MADD: variants seen among roughly 807,000 people sequenced by gnomAD.
MADD encodes MAP kinase activating death domain.
In MADD, 109 loss-of-function variants were observed where a neutral mutation model predicts 176.7. That is an observed-to-expected ratio of 0.62 (90% confidence interval 0.53 to 0.72). The LOEUF (loss-of-function observed/expected upper bound fraction) is 0.72. MADD is among the 30% of genes least tolerant of loss of function. The pLI is 0.00. For synonymous variants in MADD, 771 were observed against 771.3 expected, an observed-to-expected ratio of 1.00 and a Z score of 0.01; for missense variants, 1,914 against 2,045.5, an observed-to-expected ratio of 0.94 and a Z score of 1.24.
intron 31 of MADD, chr11:47,327,748 A>C: frequency 1.0e-6 from 1 of 985,392 alleles, no homozygotes; most frequent in Non-Finnish European, 1.2e-6. Flanking sequence ...GGGTTCCCCC[A>C]AATTCTACCT....
chr11:47,281,890 A>G (rs977940226), intron 8 of MADD, 137 bp downstream of exon 8: 1 of 448,040 alleles, frequency 2.2e-6, no homozygotes, highest in Non-Finnish European at 3.4e-6. Context: ...GTTGGAGTGC[A>G]ATGGCATAAT....
rs757312105 is a variant in MADD, at chr11:47,328,646, G to A, written c.4613-12G>A. 5.6e-6 allele frequency: 9 copies of A among 1,614,204 alleles called. No individual in the cohort carries two copies. The highest frequency in any genetic ancestry group is 6.8e-6 in the Non-Finnish European group (8 of 1,180,028). On this transcript the variant is annotated splice_polypyrimidine_tract_variant and intron_variant, in intron 31 of 32. Coordinates refer to ENST00000402192, the Ensembl canonical transcript of MADD. Reference sequence around the variant, plus strand: ...GAACTTTCTGTTTTGTCTCTTGCCCGTCCGGTTTTAGTTCCTGAAATTAAA... The same window carrying A: ...GAACTTTCTGTTTTGTCTCTTGCCCATCCGGTTTTAGTTCCTGAAATTAAA...
At chr11:47,324,638 C>A (rs781471454) in intron 30 of MADD, 61 bp downstream of exon 33, 3 of 1,157,188 alleles carry the variant, frequency 2.6e-6, no homozygotes, top group Non-Finnish European at 3.8e-6. Context: ...GACCAATGTC[C>A]AAGCCCCCAG....
At chr11:47,275,874 C>CT (rs1797942926) in intron 3 of MADD, 25 bp from the exon 4 acceptor site, 3 of 1,585,212 alleles carry the variant, frequency 1.9e-6, no homozygotes, top group Non-Finnish European at 1.7e-6. Flanking sequence ...GCTAATGTGT[C>CT]TGATTCCTGC....
rs752015070 is a variant in MADD, at chr11:47,295,520, G to A, written c.3427G>A (p.Gly1143Ser). 15 of 1,613,934 alleles carry A rather than the reference G, an allele frequency of 9.3e-6. No homozygotes were observed. The South Asian group carries it at 9.9e-5, about 11-fold the overall frequency. Residue 1143 changes from glycine (G) to serine (S), a missense_variant, in exon 21 of 33, where the codon GGC becomes AGC. This residue lies in a region of MADD where 1,767 missense variants were observed against 1,836.0 expected (regional missense o/e 0.96). Coordinates refer to ENST00000402192, the Ensembl canonical transcript of MADD. ...GAGGACTGATCAAGACTCTGTCATC[G>A]GCGTGAGTCCAGCTGTTATGATCCG... is the stretch of plus-strand genomic sequence containing the variant.
intron 15 of MADD, among the ~76,000 whole-genome samples, chr11:47,287,516 T>C (rs542195724): frequency 1.3e-5 from 2 of 152,194 alleles, no homozygotes; most frequent in Non-Finnish European, 2.9e-5. Context: ...CTCAAGTGAT[T>C]CACATGCTTC....
In MADD at chr11:47,309,743, G is replaced by A. The variant is rs541612322; in HGVS notation, c.3978+131G>A. On this transcript the variant is annotated intron_variant, in intron 25 of 32. Coordinates refer to ENST00000402192, the Ensembl canonical transcript of MADD. ...CTTAGGGCTATCTTCTTGATTGAAA[G>A]TCTGAGGCCTCTCTGCCAGCTTACA... The A allele has an allele frequency of 4.6e-6, 3 of 650,150 alleles. No homozygotes were observed. The African/African-American group carries it at 5.4e-5, about 12-fold the overall frequency. 40.3% of individuals were successfully genotyped at this position (650,150 alleles called of 1,614,324 possible). A position where few individuals can be genotyped will look rare whatever the true frequency, so the allele number is the denominator to read the frequency against.
intron 10 of MADD, among the ~76,000 whole-genome samples, 156 bp downstream of exon 10, chr11:47,283,125 G>A (rs370454867): frequency 2.0e-5 from 3 of 152,112 alleles, no homozygotes; most frequent in East Asian, 3.8e-4. Context: ...ACGGAGTCTC[G>A]CTCTGTCACC....
chr11:47,284,352 C>G, intron 11 of MADD, 23 bp from the exon 12 acceptor site: 1 of 1,614,076 alleles, frequency 6.2e-7, no homozygotes, highest in African/African-American at 1.3e-5. Context: ...TGGTCTGTAC[C>G]TGCCTCCCTT....
chr11:47,280,449 G>A (rs895637241), intron 7 of MADD, among the ~76,000 whole-genome samples: 4 of 152,112 alleles, frequency 2.6e-5, no homozygotes, highest in Admixed American at 6.6e-5. Flanking sequence ...TTTAAGTTCA[G>A]AAAGTTCTCT....
intron 27 of MADD, among the ~76,000 whole-genome samples, chr11:47,320,022 T>C (rs1295311498): frequency 6.6e-6 from 1 of 150,646 alleles, no homozygotes; most frequent in African/African-American, 2.4e-5. Flanking sequence ...ATTACAAATA[T>C]TGTTAAATAA....
intron 26 of MADD, among the ~76,000 whole-genome samples, chr11:47,313,335 C>T (rs1414597823): frequency 6.6e-6 from 1 of 150,526 alleles, no homozygotes; most frequent in Non-Finnish European, 1.5e-5. Flanking sequence ...GAGACGGAGT[C>T]TCGCTCTGTG....
chr11:47,315,335 C>T lies in MADD; in HGVS notation c.4197+8C>T. 6.4e-7 allele frequency: 1 copy of T among 1,558,330 alleles called. No homozygotes were observed. Among genetic ancestry groups the T allele is most frequent in the Admixed American group, 1.7e-5 (1 of 59,850 alleles). On this transcript the variant is annotated splice_region_variant and intron_variant, in intron 27 of 32. Transcript: ENST00000402192. The stretch of plus-strand genomic sequence containing the variant: ...GATATCTTTTTCATGGAGGTAGGTG[C>T]TGGTTCATGCTGGGGGCCCAAAGGG...
At chr11:47,296,080 A>G (rs1392613604) in intron 22 of MADD, 25 bp downstream of exon 24, 1 of 1,383,296 alleles carries the variant, frequency 7.2e-7, no homozygotes, top group Admixed American at 2.4e-5. Context: ...TTAACAAAAG[A>G]AAACCATTTC....
chr11:47,276,100 A>G (rs2049569042), exon 4 of MADD: 1 of 1,614,146 alleles, frequency 6.2e-7, no homozygotes. Context: ...TTCCAGACCC[A>G]TCTCGATTCA....
exon 17 of MADD, chr11:47,290,040 T>G: frequency 1.2e-6 from 2 of 1,614,122 alleles, no homozygotes; most frequent in Non-Finnish European, 1.7e-6. Flanking sequence ...CGGCAGGACA[T>G]CATCCCGGAT....
chr11:47,269,259 TACTA>T (rs1958124514), upstream of MADD: 2 of 153,162 alleles, frequency 1.3e-5, no homozygotes, highest in Admixed American at 6.5e-5. Flanking sequence ...GGCCTCTTCT[TACTA>T]ACCCCCACTG....
At chr11:47,295,708 A>G in intron 21 of MADD, 129 bp downstream of exon 23, 1 of 1,552,736 alleles carries the variant, frequency 6.4e-7, no homozygotes. Context: ...GGAGATGTTT[A>G]CCATCATAGG....
intron 15 of MADD, among the ~76,000 whole-genome samples, chr11:47,287,025 A>G (rs1270397363): frequency 6.6e-6 from 1 of 152,222 alleles, no homozygotes; most frequent in African/African-American, 2.4e-5. Context: ...TTCTAGGGGC[A>G]GTTAAAACCT....
Sources: gnomAD v4.1 joint callset for allele counts (sites outside exome capture counted in the v4.1 genomes callset) on GRCh38, gnomAD v4.1.1 for gene constraint, gnomAD v4.1.1 regional missense constraint, MANE v1.5 for transcripts, NCBI Gene and HGNC (gene_info 2026-07-23, HGNC 2026-07-21) for gene names.